The following DNM3 variants were observed in gnomAD, a reference collection of about 807,000 sequenced individuals.
DNM3 encodes the protein dynamin 3, also known as dynamin-3.
Under a neutral mutation model 101.6 loss-of-function variants are expected in DNM3, and 47 were observed. That is an observed-to-expected ratio of 0.46 (90% confidence interval 0.37 to 0.59). The LOEUF (loss-of-function observed/expected upper bound fraction) is 0.59. Among genes scored for constraint, DNM3 ranks in the 20% least tolerant of loss-of-function variants. DNM3 has a pLI of 0.00. For missense variants in DNM3, 849 were observed against 1,085.7 expected (o/e 0.78, Z 3.06); for synonymous variants, 385 against 387.9 (o/e 0.99, Z 0.09).
intron 10 of DNM3, among the ~76,000 whole-genome samples, chr1:172,054,263 C>T (rs2050411703): frequency 1.3e-5 from 2 of 152,200 alleles, no homozygotes; most frequent in Admixed American, 1.3e-4. Context: ...CAAAGCTAGA[C>T]TCCTAACCTG....
chr1:172,339,599 C>G (rs1233140153), intron 17 of DNM3, among the ~76,000 whole-genome samples: 1 of 152,214 alleles, frequency 6.6e-6, no homozygotes, highest in East Asian at 1.9e-4. Context: ...CTTCCCCCAG[C>G]TTGGGGATTC....
intron 15 of DNM3, among the ~76,000 whole-genome samples, chr1:172,273,507 T>A (rs75940028): frequency 6.6e-6 from 1 of 152,070 alleles, no homozygotes; most frequent in Non-Finnish European, 1.5e-5. Context: ...AGGGAAACTT[T>A]AGGATTTCAA....
chr1:172,186,619 C>T (rs2059535039), intron 14 of DNM3, among the ~76,000 whole-genome samples: 1 of 152,062 alleles, frequency 6.6e-6, no homozygotes, highest in African/African-American at 2.4e-5. Flanking sequence ...AAGGCTGCTA[C>T]TTCTTGCTTC....
intron 10 of DNM3, among the ~76,000 whole-genome samples, chr1:172,051,937 C>G (rs1558488230): frequency 6.6e-6 from 1 of 152,126 alleles, no homozygotes; most frequent in Admixed American, 6.5e-5. Context: ...AGATAATTGT[C>G]TATTTGTGTG....
chr1:172,186,663 GC>G lies in DNM3; in HGVS notation c.1659+55380del, dbSNP rs1404890799. On this transcript the variant is annotated intron_variant, in intron 14 of 20. Coordinates refer to ENST00000627582, the MANE Select transcript of DNM3 (RefSeq NM_015569.5). ...ACTTCTCACCCTCTATTGATGGTCA[GC>G]CCCCTCTCACTGAAGGAATCAGAAT... 3.9e-5 allele frequency among the ~76,000 whole-genome samples: 6 copies of G among 152,022 alleles called. No individual in the cohort carries two copies. In the East Asian group the frequency reaches 1.2e-3, roughly 29 times the overall value.
intron 16 of DNM3, among the ~76,000 whole-genome samples, chr1:172,313,311 G>A (rs2065158412): frequency 6.6e-6 from 1 of 152,142 alleles, no homozygotes; most frequent in Admixed American, 6.6e-5. Flanking sequence ...TGTATCAGTG[G>A]TAAGAGGCTA....
chr1:172,161,850 T>C (rs1344679074), intron 14 of DNM3, among the ~76,000 whole-genome samples: 2 of 152,076 alleles, frequency 1.3e-5, no homozygotes, highest in African/African-American at 4.8e-5. Context: ...CTCCATGAAA[T>C]TGACTGCTAT....
chr1:172,179,731 GA>G (rs1040309946), intron 14 of DNM3, among the ~76,000 whole-genome samples: 1 of 151,754 alleles, frequency 6.6e-6, no homozygotes, highest in Non-Finnish European at 1.5e-5. Flanking sequence ...ATAATTTTTA[GA>G]TATAACCAAT....
intron 15 of DNM3, among the ~76,000 whole-genome samples, chr1:172,279,940 G>A (rs1005060028): frequency 6.6e-6 from 1 of 152,046 alleles, no homozygotes; most frequent in Non-Finnish European, 1.5e-5. Context: ...CTTAAAGTCC[G>A]TGTATTTTTC....
At chr1:171,972,716 G>C (rs1180224571) in intron 2 of DNM3, among the ~76,000 whole-genome samples, 1 of 152,182 alleles carries the variant, frequency 6.6e-6, no homozygotes, top group Non-Finnish European at 1.5e-5. Flanking sequence ...GGGCGTGGTG[G>C]CGCATGCCTC....
rs1489160491 is a variant in DNM3 at position 171,841,531 on chromosome 1, C to A, written c.-126C>A. 6 of 1,332,198 alleles carry A rather than the reference C, an allele frequency of 4.5e-6. No homozygotes were observed. The highest frequency in any genetic ancestry group is 5.9e-6 in the Non-Finnish European group (6 of 1,009,572). 82.5% of individuals were successfully genotyped at this position (1,332,198 alleles called of 1,614,324 possible). A position where few individuals can be genotyped will look rare whatever the true frequency, so the allele number is the denominator to read the frequency against. On this transcript the variant is annotated 5_prime_UTR_variant, in exon 1 of 21. Coordinates refer to ENST00000627582, the MANE Select transcript of DNM3 (RefSeq NM_015569.5). Reference sequence around the variant, plus strand: ...GCGGCGGGCTGGCGGCGGGCTCCGACGTCTGCGCCAGGACCTGGCTGGCTG... The same window carrying A: ...GCGGCGGGCTGGCGGCGGGCTCCGAAGTCTGCGCCAGGACCTGGCTGGCTG...
At chr1:172,381,979 T>A (rs965384651) in intron 18 of DNM3, among the ~76,000 whole-genome samples, 1 of 152,160 alleles carries the variant, frequency 6.6e-6, no homozygotes, top group African/African-American at 2.4e-5. Context: ...AAAAAGAATA[T>A]GTTTCAGCCA....
chr1:171,969,487 A>G (rs1176568035), intron 2 of DNM3, among the ~76,000 whole-genome samples: 1 of 152,174 alleles, frequency 6.6e-6, no homozygotes, highest in African/African-American at 2.4e-5. Flanking sequence ...CTCCCAGGTA[A>G]TCTCTGGAGC....
chr1:172,358,123 A>G (rs2067543538), intron 17 of DNM3, among the ~76,000 whole-genome samples: 1 of 152,074 alleles, frequency 6.6e-6, no homozygotes, highest in Non-Finnish European at 1.5e-5. Flanking sequence ...TACAGAGAGA[A>G]ATAAAGAAAA....
chr1:172,075,854 G>T (rs1412439622), intron 11 of DNM3, among the ~76,000 whole-genome samples: 1 of 151,712 alleles, frequency 6.6e-6, no homozygotes, highest in Non-Finnish European at 1.5e-5. Context: ...TGTGAAGAAA[G>T]TCAATGGTAG....
At chr1:172,297,697 T>G (rs1268127549) in intron 15 of DNM3, among the ~76,000 whole-genome samples, 1 of 152,144 alleles carries the variant, frequency 6.6e-6, no homozygotes, top group African/African-American at 2.4e-5. Flanking sequence ...TAATTTTTAC[T>G]TTTGGTTTCT....
chr1:172,278,890 G>A (rs955140463), intron 15 of DNM3, among the ~76,000 whole-genome samples: 4 of 152,116 alleles, frequency 2.6e-5, no homozygotes, highest in African/African-American at 9.7e-5. Context: ...TTATCACTGC[G>A]ACTTTTCCCG....
At chr1:172,383,575 A>AT (rs1171498518) in intron 18 of DNM3, among the ~76,000 whole-genome samples, 1 of 152,148 alleles carries the variant, frequency 6.6e-6, no homozygotes, top group Non-Finnish European at 1.5e-5. Flanking sequence ...AAACAAAGAG[A>AT]TTTTAAGGAA....
At chr1:172,083,153 C>T (rs754323850) in intron 12 of DNM3, among the ~76,000 whole-genome samples, 41 of 152,180 alleles carry the variant, frequency 2.7e-4, no homozygotes, top group Non-Finnish European at 5.6e-4. Flanking sequence ...TTTCCTTCTG[C>T]AGACTCACCT....
Sources: allele counts gnomAD v4.1 joint callset (sites outside exome capture counted in the v4.1 genomes callset), GRCh38; gene constraint gnomAD v4.1.1; transcripts MANE v1.5; gene names NCBI Gene and HGNC (gene_info 2026-07-23, HGNC 2026-07-21).